Variants in CYRIB observed in about 807,000 individuals in gnomAD.
The protein encoded by CYRIB is CYFIP related Rac1 interactor B.
CYRIB carries 8 observed loss-of-function variants against 44.2 expected under a neutral mutation model. The observed-to-expected ratio is 0.18, with a 90% confidence interval of 0.11 to 0.33. CYRIB has a LOEUF of 0.33. CYRIB is among the 10% of genes least tolerant of loss of function. CYRIB has a pLI of 1.00. For synonymous variants in CYRIB, 131 were observed against 127.2 expected (o/e 1.03, Z -0.20); for missense variants, 185 against 382.8 (o/e 0.48, Z 4.31).
At chr8:129,874,490 T>G (rs1446221469) in intron 3 of CYRIB, among the ~76,000 whole-genome samples, 1 of 152,142 alleles carries the variant, frequency 6.6e-6, no homozygotes, top group African/African-American at 2.4e-5. Flanking sequence ...GGGGTCTTTC[T>G]GCTTTAATTT....
At chr8:129,852,420 A>G (rs1269352967) in intron 7 of CYRIB, 142 bp from the exon 10 acceptor site, 1 of 414,460 alleles carries the variant, frequency 2.4e-6, no homozygotes, top group African/African-American at 2.0e-5. Context: ...TTCTTTTTAA[A>G]AAAAAGTTAT....
At chr8:129,987,193 G>A (rs2096487047) in intron 1 of CYRIB, among the ~76,000 whole-genome samples, 1 of 152,204 alleles carries the variant, frequency 6.6e-6, no homozygotes, top group Non-Finnish European at 1.5e-5. Context: ...CACGACACAG[G>A]AGACAAAACC....
chr8:129,845,189 G>A (rs563053778), intron 11 of CYRIB, among the ~76,000 whole-genome samples: 3 of 152,134 alleles, frequency 2.0e-5, no homozygotes, highest in Non-Finnish European at 4.4e-5. Flanking sequence ...GTGAAACGTA[G>A]ATTCTGAGTT....
chr8:129,987,557 T>C (rs997439354), intron 1 of CYRIB, among the ~76,000 whole-genome samples: 11 of 59,508 alleles, frequency 1.8e-4, no homozygotes, highest in Non-Finnish European at 3.4e-4. Flanking sequence ...TTTTCTTGTC[T>C]TTTTTTTTTT....
At chr8:129,961,592 T>C (rs1163118008) in intron 2 of CYRIB, among the ~76,000 whole-genome samples, 3 of 152,214 alleles carry the variant, frequency 2.0e-5, no homozygotes, top group Non-Finnish European at 4.4e-5. Context: ...ATATGGAACT[T>C]GGCCAGACTG....
At chr8:129,960,581 A>G (rs1241493650) in intron 2 of CYRIB, among the ~76,000 whole-genome samples, 1 of 144,896 alleles carries the variant, frequency 6.9e-6, no homozygotes, top group Admixed American at 7.2e-5. Flanking sequence ...TGGGAGGCAG[A>G]GGTTGCAGTG....
chr8:129,943,646 G>C (rs550883892), upstream of CYRIB, among the ~76,000 whole-genome samples: 21 of 136,992 alleles, frequency 1.5e-4, 1 homozygote, highest in Admixed American at 1.4e-3. Flanking sequence ...TGGCCCAGGC[G>C]GGAGTGCAGT....
intron 2 of CYRIB, among the ~76,000 whole-genome samples, chr8:129,886,796 C>T (rs1235876413): frequency 6.6e-6 from 1 of 152,070 alleles, no homozygotes; most frequent in Non-Finnish European, 1.5e-5. Context: ...AAGGGCAGCA[C>T]GTCTCACCTC....
At chr8:129,944,943 A>G (rs932038173) in intron 2 of CYRIB, among the ~76,000 whole-genome samples, 1 of 152,192 alleles carries the variant, frequency 6.6e-6, no homozygotes, top group Non-Finnish European at 1.5e-5. Flanking sequence ...GAAATACCTC[A>G]GTTTCCTTCA....
intron 1 of CYRIB, among the ~76,000 whole-genome samples, chr8:129,989,889 G>T (rs2096583942): frequency 6.8e-6 from 1 of 147,884 alleles, no homozygotes; most frequent in African/African-American, 2.5e-5. Flanking sequence ...GTGAGAACAT[G>T]AGGTGTTTGG....
intron 3 of CYRIB, among the ~76,000 whole-genome samples, chr8:129,877,566 T>C (rs1465059487): frequency 6.6e-6 from 1 of 151,652 alleles, no homozygotes; most frequent in Non-Finnish European, 1.5e-5. Flanking sequence ...GGAGGATCCC[T>C]TGAGCCAGGT....
intron 6 of CYRIB, among the ~76,000 whole-genome samples, chr8:129,855,082 G>T (rs112746042): frequency 6.0e-4 from 91 of 152,190 alleles, no homozygotes; most frequent in African/African-American, 2.1e-3. Context: ...GAGCAGAAAA[G>T]AAAAAGTATT....
intron 1 of CYRIB, among the ~76,000 whole-genome samples, chr8:130,000,885 C>A (rs1029380756): frequency 1.3e-5 from 2 of 151,910 alleles, no homozygotes; most frequent in Non-Finnish European, 2.9e-5. Flanking sequence ...AAAAAAAAAT[C>A]TAATAATAAA....
At chr8:129,857,310 C>T (rs1013166428) in intron 5 of CYRIB, among the ~76,000 whole-genome samples, 1 of 152,052 alleles carries the variant, frequency 6.6e-6, no homozygotes, top group African/African-American at 2.4e-5. Flanking sequence ...TAATGGAAGG[C>T]CCAGGAAAAG....
At chr8:130,006,593 A>ATT (rs1365686692) in intron 1 of CYRIB, among the ~76,000 whole-genome samples, 4 of 804 alleles carry the variant, frequency 5.0e-3, no homozygotes, top group African/African-American at 0.02. Flanking sequence ...AAAAACACAA[A>ATT]TTATATATAT....
intron 1 of CYRIB, among the ~76,000 whole-genome samples, chr8:129,939,095 C>A (rs1487518307): frequency 6.6e-6 from 1 of 152,140 alleles, no homozygotes; most frequent in Non-Finnish European, 1.5e-5. Flanking sequence ...AAGACACCAA[C>A]TTCAAAACCA....
chr8:129,976,872 G>A (rs992826473), intron 1 of CYRIB, among the ~76,000 whole-genome samples: 11 of 151,806 alleles, frequency 7.2e-5, no homozygotes, highest in Non-Finnish European at 7.4e-5. Flanking sequence ...CAAAGAGTCT[G>A]GCTCTGTTGC....
chr8:129,960,690 G>T (rs2095199609), intron 2 of CYRIB, among the ~76,000 whole-genome samples: 1 of 130,940 alleles, frequency 7.6e-6, no homozygotes, highest in African/African-American at 2.9e-5. Context: ...GGTGGCTCAT[G>T]CCTGTAATCC....
intron 2 of CYRIB, among the ~76,000 whole-genome samples, chr8:129,969,015 C>CTTTTTTTTTT (rs55873104): frequency 0.52 from 40,029 of 77,098 alleles, 11,949 homozygotes; most frequent in Non-Finnish European, 0.59. Context: ...ATTTGTCCTC[C>CTTTTTTTTTT]TTTTTTTTTT....
Sources: gnomAD v4.1 joint callset for allele counts (sites outside exome capture counted in the v4.1 genomes callset) on GRCh38, gnomAD v4.1.1 for gene constraint, MANE v1.5 for transcripts, NCBI Gene and HGNC (gene_info 2026-07-23, HGNC 2026-07-21) for gene names.